The following OR5H6 variants were observed in gnomAD, a reference collection of about 807,000 sequenced individuals.
The protein encoded by OR5H6 is olfactory receptor 5H6.
For synonymous variants in OR5H6, 151 were observed against 127.7 expected (o/e 1.18, Z -1.23); for missense variants, 429 against 358.1 (o/e 1.20, Z -1.60).
At position 98,265,265 on chromosome 3, in the gene OR5H6, C is replaced by A; in HGVS notation, c.*3C>A. ...AAATGTTCAAAAGCAATGTTTAGAT[C>A]TCATACAATCTCTCTTCTCTATTTA... On this transcript the variant is annotated 3_prime_UTR_variant, in exon 1 of 1. Coordinates refer to ENST00000615035, the MANE Select transcript of OR5H6 (RefSeq NM_001005479.2). 2 of 1,556,308 alleles carry A rather than the reference C, an allele frequency of 1.3e-6. No individual in the cohort carries two copies. The highest frequency in any genetic ancestry group is 1.3e-5 in the South Asian group (1 of 79,586).
Position 98,264,409 on chromosome 3 carries a change from C to A in OR5H6, c.77C>A (p.Pro26Gln). ...TTACATCAACCTGACTGTAAAATAC[C>A]GCTCTTCCTGGCATTCTTGGTAATA... ...GFLHQPDCKI[P>Q]LFLAFLVIYL... The change falls in exon 1 of 1, where the codon CCG (proline) becomes CAG (glutamine). Residue 26 changes from proline to glutamine, a missense_variant. Coordinates refer to ENST00000615035, the MANE Select transcript of OR5H6 (RefSeq NM_001005479.2). 6.2e-7 allele frequency: 1 copy of A among 1,612,794 alleles called. No homozygotes were observed. The highest frequency in any genetic ancestry group is 1.7e-5 in the Admixed American group (1 of 59,978).
At position 98,265,336 on chromosome 3, in the gene OR5H6, G is replaced by A; in HGVS notation, c.*74G>A. 6.8e-7 allele frequency: 1 copy of A among 1,461,570 alleles called. No homozygotes were observed. Among genetic ancestry groups the A allele is most frequent in the Non-Finnish European group, 9.1e-7 (1 of 1,094,388 alleles). 90.5% of individuals were successfully genotyped at this position (1,461,570 alleles called of 1,614,324 possible). On this transcript the variant is annotated 3_prime_UTR_variant, in exon 1 of 1. Transcript: ENST00000615035. ...TGCAAGTTAGAGGTGTCTATGTCTT[G>A]CCAGCATTCAAAGATGATGCAAAGT... is the stretch of plus-strand genomic sequence containing the variant.
rs765483499 is a variant in OR5H6 at position 98,264,847 on chromosome 3, A to G, written c.515A>G (p.Asn172Ser). Residue 172 changes from asparagine (N) to serine (S), a missense_variant, in exon 1 of 1, where the codon AAC (asparagine) becomes AGC (serine). By Grantham distance (46) the Asn-to-Ser change is conservative. Transcript: ENST00000615035. The stretch of plus-strand genomic sequence containing the variant: ...TTCAGATTAACCTTCTGTAATTCCA[A>G]CATAATACAACACTTTTACTGTGAC... ...FSFRLTFCNS[N>S]IIQHFYCDII... 1 of 1,610,608 alleles carries G rather than the reference A, an allele frequency of 6.2e-7. No individual in the cohort carries two copies. Among genetic ancestry groups the G allele is most frequent in the South Asian group, 1.1e-5 (1 of 90,572 alleles).
rs773442828 is a variant in OR5H6 at position 98,265,062 on chromosome 3, C to A, written c.730C>A (p.His244Asn). ...IRKAVSTCGA[H>N]LLSVSLYYGP... ...AAAAGCTGTCTCCACCTGTGGGGCT[C>A]ATCTCTTATCTGTATCTTTATACTA... The change falls in exon 1 of 1, where the codon CAT (histidine) becomes AAT (asparagine). Residue 244 changes from histidine to asparagine, a missense_variant. Coordinates refer to ENST00000615035, the MANE Select transcript of OR5H6 (RefSeq NM_001005479.2). 6.2e-7 allele frequency: 1 copy of A among 1,612,714 alleles called. No homozygotes were observed. The highest frequency in any genetic ancestry group is 8.5e-7 in the Non-Finnish European group (1 of 1,179,392).
rs113391387 is a variant in OR5H6 at position 98,264,533 on chromosome 3, C to T, written c.201C>T (p.Ala67=). 13,233 of 1,612,916 alleles carry T rather than the reference C, an allele frequency of 8.2e-3. 714 individuals carry two copies. In the African/African-American group the frequency reaches 0.14, roughly 17 times the overall value. Residue 67 remains alanine (A), a synonymous_variant, in exon 1 of 1, where the codon GCC becomes GCT. Transcript: ENST00000615035. ...IPMYLFLGSL[A]FVDASLSSTV... is the part of the protein sequence containing the mutation. Reference sequence around the variant, plus strand: ...TGTACTTATTCCTTGGGAGTTTAGCCTTTGTGGATGCTTCGTTATCATCCA... The same window carrying T: ...TGTACTTATTCCTTGGGAGTTTAGCTTTTGTGGATGCTTCGTTATCATCCA...
rs36040433 is a variant in OR5H6 at position 98,264,409 on chromosome 3, C to T, written c.77C>T (p.Pro26Leu). 573 of 1,612,778 alleles carry T rather than the reference C, an allele frequency of 3.6e-4. No individual in the cohort carries two copies. Among genetic ancestry groups the T allele is most frequent in the African/African-American group, 2.6e-3 (195 of 74,924 alleles). Residue 26 changes from proline to leucine, a missense_variant, in exon 1 of 1, where the codon CCG becomes CTG. By Grantham distance (98) the Pro-to-Leu change is moderately conservative. Transcript: ENST00000615035. ...TTACATCAACCTGACTGTAAAATACCGCTCTTCCTGGCATTCTTGGTAATA... is the reference window on the plus strand; with the variant it reads ...TTACATCAACCTGACTGTAAAATACTGCTCTTCCTGGCATTCTTGGTAATA... ...GFLHQPDCKI[P>L]LFLAFLVIYL...
rs766612385 is a variant in OR5H6 at position 98,264,746 on chromosome 3, T to A, written c.414T>A (p.Asn138Lys). The change falls in exon 1 of 1, where the codon AAT becomes AAA. Residue 138 changes from asparagine to lysine, a missense_variant. Physicochemically the swap from Asn to Lys is moderately conservative, Grantham distance 94. Transcript: ENST00000615035. ...TACTTTATCCAGTCATTATGACCAA[T>A]GAACTATGCATTCAGCTATTAGTCT... is the stretch of plus-strand genomic sequence containing the variant. ...KALLYPVIMT[N>K]ELCIQLLVLS... is the part of the protein sequence containing the mutation. The A allele has an allele frequency of 6.2e-7, 1 of 1,613,258 alleles. No individual in the cohort carries two copies. The highest frequency in any genetic ancestry group is 8.5e-7 in the Non-Finnish European group (1 of 1,179,304).
At position 98,265,237 on chromosome 3, in the gene OR5H6, C is replaced by A. The variant is rs771700440; in HGVS notation, c.905C>A (p.Thr302Lys). The A allele has an allele frequency of 6.3e-7, 1 of 1,583,352 alleles. No homozygotes were observed. The highest frequency in any genetic ancestry group is 1.2e-5 in the South Asian group (1 of 85,050). ...LRNKQVIASF[T>K]KMFKSNV is the part of the protein sequence containing the mutation. ...AACAAGCAAGTAATAGCTTCATTCA[C>A]AAAAATGTTCAAAAGCAATGTTTAG... Residue 302 changes from threonine (T) to lysine (K), a missense_variant, in exon 1 of 1, where the codon ACA becomes AAA. Transcript: ENST00000615035.
chr3:98,264,665 A>C lies in OR5H6; in HGVS notation c.333A>C (p.Glu111Asp), dbSNP rs764681476. The C allele has an allele frequency of 6.2e-7, 1 of 1,612,868 alleles. No individual in the cohort carries two copies. The highest frequency in any genetic ancestry group is 8.5e-7 in the Non-Finnish European group (1 of 1,179,166). The change falls in exon 1 of 1, where the codon GAA becomes GAC. Residue 111 changes from glutamate to aspartate, a missense_variant. By Grantham distance (45) the Glu-to-Asp change is conservative (BLOSUM62 2). Coordinates refer to ENST00000615035, the MANE Select transcript of OR5H6 (RefSeq NM_001005479.2). ...CCCTTGTAACCACTGTAACCACAGA[A>C]TGTTTTCTCTTGGCAACAATGGCAT... ...FFSLVTTVTT[E>D]CFLLATMAYD... is the part of the protein sequence containing the mutation.
Position 98,264,390 on chromosome 3 carries a change from C to A in OR5H6, c.58C>A (p.Gln20Lys), listed in dbSNP as rs772877528. 4 of 1,612,932 alleles carry A rather than the reference C, an allele frequency of 2.5e-6. No individual in the cohort carries two copies. Among genetic ancestry groups the A allele is most frequent in the Non-Finnish European group, 3.4e-6 (4 of 1,179,032 alleles). ...GTTTGTTCTCACAGGATTTTTACAT[C>A]AACCTGACTGTAAAATACCGCTCTT... ...TEFVLTGFLH[Q>K]PDCKIPLFLA... Residue 20 changes from glutamine (Q) to lysine (K), a missense_variant, in exon 1 of 1, where the codon CAA (glutamine) becomes AAA (lysine). Physicochemically the swap from Gln to Lys is moderately conservative, Grantham distance 53 (BLOSUM62 1). Transcript: ENST00000615035.
In OR5H6 at chr3:98,264,405, A is replaced by G. The variant is rs201236351; in HGVS notation, c.73A>G (p.Ile25Val). Residue 25 changes from isoleucine (I) to valine (V), a missense_variant, in exon 1 of 1, where the codon ATA (isoleucine) becomes GTA (valine). Transcript: ENST00000615035. ...ATTTTTACATCAACCTGACTGTAAA[A>G]TACCGCTCTTCCTGGCATTCTTGGT... ...TGFLHQPDCK[I>V]PLFLAFLVIY... The G allele has an allele frequency of 3.5e-5, 57 of 1,611,938 alleles. No individual in the cohort carries two copies. Among genetic ancestry groups the G allele is most frequent in the Non-Finnish European group, 4.7e-5 (55 of 1,178,114 alleles).
In OR5H6 at chr3:98,264,464, T is replaced by G; in HGVS notation, c.132T>G (p.Gly44=). The change falls in exon 1 of 1, where the codon GGT becomes GGG. Residue 44 remains glycine (G), a synonymous_variant. Transcript: ENST00000615035. Reference sequence around the variant, plus strand: ...TCATCACCATCATGGGGAATCTTGGTCTAATTGTTCTCATCTGGAAAGACC... The same window carrying G: ...TCATCACCATCATGGGGAATCTTGGGCTAATTGTTCTCATCTGGAAAGACC... ...IYLITIMGNL[G]LIVLIWKDPH... The G allele has an allele frequency of 6.2e-7, 1 of 1,612,442 alleles. No individual in the cohort carries two copies. The highest frequency in any genetic ancestry group is 8.5e-7 in the Non-Finnish European group (1 of 1,178,590).
Position 98,264,633 on chromosome 3 carries a change from T to A in OR5H6, c.301T>A (p.Phe101Ile). 6.3e-7 allele frequency: 1 copy of A among 1,583,634 alleles called. No individual in the cohort carries two copies. Among genetic ancestry groups the A allele is most frequent in the Non-Finnish European group, 8.6e-7 (1 of 1,159,748 alleles). The change falls in exon 1 of 1, where the codon TTT becomes ATT. Residue 101 changes from phenylalanine (F) to isoleucine (I), a missense_variant. Transcript: ENST00000615035. Reference protein sequence around the residue: ...MISLSECMVQFFSLVTTVTTE... With the variant: ...MISLSECMVQIFSLVTTVTTE... ...ATCTCTCTCTGAATGCATGGTACAA[T>A]TTTTTTCCCTTGTAACCACTGTAAC... is the stretch of plus-strand genomic sequence containing the variant.
chr3:98,264,268 T>G lies in OR5H6; in HGVS notation c.-65T>G. 7 of 1,593,696 alleles carry G rather than the reference T, an allele frequency of 4.4e-6. No homozygotes were observed. The highest frequency in any genetic ancestry group is 6.0e-6 in the Non-Finnish European group (7 of 1,170,230). ...TCAACACCTCTTCCCCAATTTCAAC[T>G]CACAATTCCATTGCAAATGTTCCTT... is the stretch of plus-strand genomic sequence containing the variant. On this transcript the variant is annotated 5_prime_UTR_variant, in exon 1 of 1. Transcript: ENST00000615035.
At position 98,264,467 on chromosome 3, in the gene OR5H6, A is replaced by G. The variant is rs1480951597; in HGVS notation, c.135A>G (p.Leu45=). The G allele has an allele frequency of 6.2e-7, 1 of 1,612,242 alleles. No homozygotes were observed. Among genetic ancestry groups the G allele is most frequent in the Non-Finnish European group, 8.5e-7 (1 of 1,178,580 alleles). The change falls in exon 1 of 1, where the codon CTA becomes CTG. Residue 45 remains leucine, a synonymous_variant. Coordinates refer to ENST00000615035, the MANE Select transcript of OR5H6 (RefSeq NM_001005479.2). ...YLITIMGNLG[L]IVLIWKDPHL... is the part of the protein sequence containing the mutation. ...TCACCATCATGGGGAATCTTGGTCT[A>G]ATTGTTCTCATCTGGAAAGACCCTC...
Position 98,264,298 on chromosome 3 carries a change from T to C in OR5H6, c.-35T>C. 6.2e-7 allele frequency: 1 copy of C among 1,610,522 alleles called. No individual in the cohort carries two copies. The highest frequency in any genetic ancestry group is 8.5e-7 in the Non-Finnish European group (1 of 1,177,866). ...ATTCCATTGCAAATGTTCCTTTACC[T>C]TTGCTTCATTTTTCAGAGGACATGC... is the stretch of plus-strand genomic sequence containing the variant. On this transcript the variant is annotated 5_prime_UTR_variant, in exon 1 of 1. Transcript: ENST00000615035.
chr3:98,265,149 A>G lies in OR5H6; in HGVS notation c.817A>G (p.Met273Val). The G allele has an allele frequency of 1.2e-6, 2 of 1,613,254 alleles. No homozygotes were observed. The highest frequency in any genetic ancestry group is 1.7e-6 in the Non-Finnish European group (2 of 1,179,426). The change falls in exon 1 of 1, where the codon ATG (methionine) becomes GTG (valine). Residue 273 changes from methionine (M) to valine (V), a missense_variant. Coordinates refer to ENST00000615035, the MANE Select transcript of OR5H6 (RefSeq NM_001005479.2). ...ASPQADDQDM[M>V]ESLFYTVIVP... ...TCCGCAAGCAGATGACCAAGATATG[A>G]TGGAGTCTCTATTTTACACTGTCAT...
Position 98,264,647 on chromosome 3 carries a change from A to T in OR5H6, c.315A>T (p.Val105=). 4.9e-6 allele frequency: 2 copies of T among 406,586 alleles called. No individual in the cohort carries two copies. Among genetic ancestry groups the T allele is most frequent in the Admixed American group, 7.0e-5 (2 of 28,556 alleles). 25.2% of individuals were successfully genotyped at this position (406,586 alleles called of 1,614,324 possible). The change falls in exon 1 of 1, where the codon GTA becomes GTT. Residue 105 remains valine, a synonymous_variant. Transcript: ENST00000615035. ...SECMVQFFSL[V]TTVTTECFLL... Reference sequence around the variant, plus strand: ...GCATGGTACAATTTTTTTCCCTTGTAACCACTGTAACCACAGAATGTTTTC... The same window carrying T: ...GCATGGTACAATTTTTTTCCCTTGTTACCACTGTAACCACAGAATGTTTTC...
rs144785995 is a variant in OR5H6 at position 98,264,524 on chromosome 3, G to A, written c.192G>A (p.Gly64=). The A allele has an allele frequency of 1.5e-3, 2,460 of 1,612,890 alleles. 8 individuals are homozygous for A. The highest frequency in any genetic ancestry group is 5.6e-3 in the Middle Eastern group (34 of 6,052). Reference sequence around the variant, plus strand: ...ATATCCCAATGTACTTATTCCTTGGGAGTTTAGCCTTTGTGGATGCTTCGT... The same window carrying A: ...ATATCCCAATGTACTTATTCCTTGGAAGTTTAGCCTTTGTGGATGCTTCGT... ...HLHIPMYLFL[G]SLAFVDASLS... The change falls in exon 1 of 1, where the codon GGG becomes GGA. Residue 64 remains glycine (G), a synonymous_variant. Coordinates refer to ENST00000615035, the MANE Select transcript of OR5H6 (RefSeq NM_001005479.2).
Sources: gnomAD v4.1 joint callset for allele counts on GRCh38, gnomAD v4.1.1 for gene constraint, MANE v1.5 for transcripts, NCBI Gene and HGNC (gene_info 2026-07-23, HGNC 2026-07-21) for gene names.